Variants in CYB5B observed in about 807,000 individuals in gnomAD.
CYB5B encodes the protein cytochrome b5 type B.
Under a neutral mutation model 21.3 loss-of-function variants are expected in CYB5B, and 14 were observed. The ratio of observed to expected loss-of-function variants is 0.66; its 90% CI spans 0.43 to 1.03. The LOEUF is 1.03. CYB5B is among the 50% of genes least tolerant of loss of function. The pLI is 0.00. For synonymous variants in CYB5B, 69 were observed against 68.4 expected (o/e 1.01, Z -0.04); for missense variants, 166 against 185.1 (o/e 0.90, Z 0.60).
Position 69,447,274 on chromosome 16 carries a change from A to G in CYB5B, c.299A>G (p.His100Arg). The part of the protein sequence containing the change: ...MLKQYYIGDI[H>R]PSDLKPESGS... ...AAGCAGTACTACATTGGTGATATCC[A>G]TCCGGTAAGAACTATCAGAGATGGG... Residue 100 changes from histidine (H) to arginine (R), a missense_variant, in exon 2 of 5, where the codon CAT (histidine) becomes CGT (arginine). His to Arg is a conservative substitution (Grantham distance 29, BLOSUM62 0). Transcript: ENST00000307892. 1 of 1,613,550 alleles carries G rather than the reference A, an allele frequency of 6.2e-7. No individual in the cohort carries two copies. Among genetic ancestry groups the G allele is most frequent in the Non-Finnish European group, 8.5e-7 (1 of 1,179,872 alleles).
chr16:69,460,131 G>A (rs376130099), intron 4 of CYB5B, among the ~76,000 whole-genome samples: 4 of 151,918 alleles, frequency 2.6e-5, no homozygotes, highest in African/African-American at 9.7e-5. Context: ...GCTTTGGGAG[G>A]CCAAGGCAGG....
chr16:69,444,662 A>C (rs1386893775), intron 1 of CYB5B, among the ~76,000 whole-genome samples: 1 of 152,044 alleles, frequency 6.6e-6, no homozygotes, highest in East Asian at 1.9e-4. Flanking sequence ...CACTTGCTTC[A>C]GTGAAAAAAA....
At chr16:69,431,283 C>T (rs563661316) in intron 1 of CYB5B, among the ~76,000 whole-genome samples, 1 of 152,178 alleles carries the variant, frequency 6.6e-6, no homozygotes, top group East Asian at 1.9e-4. Context: ...GCCACGGCAC[C>T]GGCCTATATG....
chr16:69,455,673 T>G (rs9929584), intron 3 of CYB5B, among the ~76,000 whole-genome samples: 1 of 151,912 alleles, frequency 6.6e-6, no homozygotes, highest in Non-Finnish European at 1.5e-5. Flanking sequence ...CTCATGTAAT[T>G]CATGCCTGGG....
intron 1 of CYB5B, among the ~76,000 whole-genome samples, chr16:69,425,675 C>T (rs1191176827): frequency 6.6e-6 from 1 of 152,274 alleles, no homozygotes; most frequent in Middle Eastern, 3.4e-3. Context: ...CATGTTAAGA[C>T]ATAAACCATT....
intron 1 of CYB5B, among the ~76,000 whole-genome samples, chr16:69,445,361 T>A (rs1451754146): frequency 6.6e-6 from 1 of 152,146 alleles, no homozygotes; most frequent in East Asian, 1.9e-4. Flanking sequence ...AAAATAGAAG[T>A]TATCCTTATC....
chr16:69,450,949 ATTCTTTTAGAAAACACCTTT>A (rs2014925450), intron 3 of CYB5B, among the ~76,000 whole-genome samples: 2 of 152,146 alleles, frequency 1.3e-5, no homozygotes, highest in African/African-American at 4.8e-5. Flanking sequence ...CCATTCCCTA[ATTCTTTTAGAAAACACCTTT>A]CATATTACTT....
At chr16:69,444,935 T>C in intron 1 of CYB5B, among the ~76,000 whole-genome samples, 1 of 152,362 alleles carries the variant, frequency 6.6e-6, no homozygotes, top group Non-Finnish European at 1.5e-5. Context: ...TAACTTTTAC[T>C]TAATATTTTA....
chr16:69,427,642 G>A (rs2014661714), intron 1 of CYB5B, among the ~76,000 whole-genome samples: 1 of 151,830 alleles, frequency 6.6e-6, no homozygotes, highest in Admixed American at 6.6e-5. Flanking sequence ...TCAACCTCCC[G>A]AATAGCTGGG....
At chr16:69,455,997 G>A (rs1020734461) in intron 3 of CYB5B, among the ~76,000 whole-genome samples, 9 of 152,254 alleles carry the variant, frequency 5.9e-5, no homozygotes, top group African/African-American at 1.9e-4. Flanking sequence ...TTTTACAAAC[G>A]AGGAAACTGA....
chr16:69,434,653 C>A (rs2014741002), intron 1 of CYB5B, among the ~76,000 whole-genome samples: 1 of 152,086 alleles, frequency 6.6e-6, no homozygotes, highest in African/African-American at 2.4e-5. Flanking sequence ...ATCACGAGGT[C>A]AGCAGATCGA....
At chr16:69,440,587 C>T (rs2014809815) in intron 1 of CYB5B, among the ~76,000 whole-genome samples, 1 of 152,116 alleles carries the variant, frequency 6.6e-6, no homozygotes, top group South Asian at 2.1e-4. Context: ...GTTGCATTCT[C>T]ATGTGTTGTG....
rs11434223 is a variant in CYB5B at position 69,426,699 on chromosome 16, C to CAAA, written c.174+1858_174+1860dup. The stretch of plus-strand genomic sequence containing the variant: ...CAGCCTGGGCGACAGAGCGAGACTC[C>CAAA]AAAAAAAAAAAAAAAAAAGCTAGTG... On this transcript the variant is annotated intron_variant, in intron 1 of 4. Transcript: ENST00000307892. Among the ~76,000 whole-genome samples the CAAA allele has an allele frequency of 8.4e-3, 802 of 95,456 alleles. 32 individuals are homozygous for CAAA. Among genetic ancestry groups the CAAA allele is most frequent in the African/African-American group, 0.026 (611 of 23,702 alleles). The allele number at this position is 95,456 out of a possible 152,430, so 62.6% of individuals were successfully genotyped here.
Position 69,464,156 on chromosome 16 carries a change from T to G in CYB5B, c.*1636T>G, listed in dbSNP as rs1326562913. On this transcript the variant is annotated 3_prime_UTR_variant, in exon 5 of 5. Coordinates refer to ENST00000307892, the MANE Select transcript of CYB5B (RefSeq NM_030579.3). ...ACCAGGGACTGCCCATGTAAACTAT[T>G]TAAGAAAAAGTTCAACCCAGGTCTT... 6.6e-6 allele frequency: 1 copy of G among 152,196 alleles called. No homozygotes were observed. The highest frequency in any genetic ancestry group is 2.4e-5 in the African/African-American group (1 of 41,446). 9.4% of individuals were successfully genotyped at this position (152,196 alleles called of 1,614,324 possible). A position where few individuals can be genotyped will look rare whatever the true frequency, so the allele number is the denominator to read the frequency against.
chr16:69,451,913 A>C (rs1347789687), intron 3 of CYB5B, among the ~76,000 whole-genome samples: 1 of 147,986 alleles, frequency 6.8e-6, no homozygotes, highest in Middle Eastern at 3.3e-3. Context: ...ACTGCACTCC[A>C]GCCTGGGCGA....
chr16:69,447,269 T>C lies in CYB5B; in HGVS notation c.294T>C (p.Asp98=). The change falls in exon 2 of 5, where the codon GAT becomes GAC. Residue 98 remains aspartate (D), a synonymous_variant. Coordinates refer to ENST00000307892, the MANE Select transcript of CYB5B (RefSeq NM_030579.3). ...TGCTAAAGCAGTACTACATTGGTGA[T>C]ATCCATCCGGTAAGAACTATCAGAG... ...REMLKQYYIG[D]IHPSDLKPES... 1 of 1,613,730 alleles carries C rather than the reference T, an allele frequency of 6.2e-7. No homozygotes were observed. Among genetic ancestry groups the C allele is most frequent in the Non-Finnish European group, 8.5e-7 (1 of 1,179,916 alleles).
intron 1 of CYB5B, among the ~76,000 whole-genome samples, chr16:69,432,539 A>G (rs1435325000): frequency 6.6e-6 from 1 of 152,240 alleles, no homozygotes; most frequent in African/African-American, 2.4e-5. Flanking sequence ...AAACATGTAT[A>G]TACTTATATA....
chr16:69,439,593 G>A (rs1252606310), intron 1 of CYB5B, among the ~76,000 whole-genome samples: 1 of 151,692 alleles, frequency 6.6e-6, no homozygotes, highest in Non-Finnish European at 1.5e-5. Context: ...TTTTGAGACA[G>A]TCTCACTCTG....
intron 3 of CYB5B, among the ~76,000 whole-genome samples, chr16:69,455,508 A>G (rs541127011): frequency 6.6e-6 from 1 of 150,870 alleles, no homozygotes; most frequent in East Asian, 2.0e-4. Flanking sequence ...CCCGGGTTCA[A>G]GCGATTCTTC....
Sources: allele counts gnomAD v4.1 joint callset (sites outside exome capture counted in the v4.1 genomes callset), GRCh38; gene constraint gnomAD v4.1.1; transcripts MANE v1.5; gene names NCBI Gene and HGNC (gene_info 2026-07-23, HGNC 2026-07-21).